The following FSTL4 variants were observed in gnomAD, a reference collection of about 807,000 sequenced individuals.
FSTL4 encodes follistatin like 4, also known as follistatin-related protein 4.
FSTL4 carries 28 observed loss-of-function variants against 78.2 expected under a neutral mutation model. The observed-to-expected ratio is 0.36, with a 90% confidence interval of 0.27 to 0.49. The LOEUF (loss-of-function observed/expected upper bound fraction) is 0.49. Ranked by LOEUF, FSTL4 falls within the 20% of genes least tolerant of loss-of-function variation. FSTL4 has a pLI of 0.98. For missense variants in FSTL4, 922 were observed against 1,084.9 expected (o/e 0.85, Z 2.11); for synonymous variants, 422 against 440.5 (o/e 0.96, Z 0.53).
chr5:133,524,239 G>A (rs911513591), intron 3 of FSTL4, among the ~76,000 whole-genome samples: 3 of 152,204 alleles, frequency 2.0e-5, no homozygotes, highest in African/African-American at 7.2e-5. Context: ...GCAGAGGTGA[G>A]ATCACACAAG....
At chr5:133,353,190 C>T (rs1754867080) in intron 4 of FSTL4, among the ~76,000 whole-genome samples, 1 of 152,218 alleles carries the variant, frequency 6.6e-6, no homozygotes, top group Non-Finnish European at 1.5e-5. Flanking sequence ...TAAACACCCT[C>T]CTGCTCCTCC....
At chr5:133,753,164 G>A in the FSTL4 span, among the ~76,000 whole-genome samples, 4 of 152,148 alleles carry the variant, frequency 2.6e-5, no homozygotes, top group Non-Finnish European at 5.9e-5. Context: ...CACAATAAAG[G>A]CAAACCAGAC....
rs186960667 is a variant in FSTL4, at chr5:133,387,973, T to C, written c.409+12765A>G. 13 of 152,352 alleles carry C rather than the reference T, an allele frequency of 8.5e-5. No individual in the cohort carries two copies. The East Asian group carries it at 2.5e-3, about 29-fold the overall frequency. 9.4% of individuals were successfully genotyped at this position (152,352 alleles called of 1,614,324 possible). Reference sequence around the variant, plus strand: ...ACACTTGTCTGGGGCTGCATGAGGTTTGTTCTGGGCTCTGATGGAATATTG... The same window carrying C: ...ACACTTGTCTGGGGCTGCATGAGGTCTGTTCTGGGCTCTGATGGAATATTG... On this transcript the variant is annotated intron_variant, in intron 4 of 15. Transcript: ENST00000265342.
At chr5:133,392,078 G>A (rs1755863616) in intron 4 of FSTL4, among the ~76,000 whole-genome samples, 1 of 152,158 alleles carries the variant, frequency 6.6e-6, no homozygotes, top group Middle Eastern at 3.2e-3. Flanking sequence ...GTTCCATCTT[G>A]GAAAGCTTAC....
chr5:133,699,024 C>T, the FSTL4 span, among the ~76,000 whole-genome samples: 8 of 152,210 alleles, frequency 5.3e-5, no homozygotes. Context: ...GGGACAGCAT[C>T]TCAATACAGC....
At position 133,370,048 on chromosome 5, in the gene FSTL4, C is replaced by T. The variant is rs139366967; in HGVS notation, c.409+30690G>A. 3.9e-3 allele frequency among the ~76,000 whole-genome samples: 589 copies of T among 152,256 alleles called. 6 individuals are homozygous for T. Among genetic ancestry groups the T allele is most frequent in the African/African-American group, 0.013 (560 of 41,546 alleles). On this transcript the variant is annotated intron_variant, in intron 4 of 15. Transcript: ENST00000265342. ...AGAGCATCCTACTGGATTCCAATCC[C>T]CCTCCTCCAGGAAGCTTCCTGGCCA... is the stretch of plus-strand genomic sequence containing the variant.
Position 133,292,844 on chromosome 5 carries a change from C to T in FSTL4, c.727+19810G>A, listed in dbSNP as rs575329094. Among the ~76,000 whole-genome samples the T allele has an allele frequency of 7.9e-5, 12 of 152,164 alleles. No homozygotes were observed. The East Asian group carries it at 1.4e-3, about 17-fold the overall frequency. On this transcript the variant is annotated intron_variant, in intron 6 of 15. Transcript: ENST00000265342. Reference sequence around the variant, plus strand: ...ATTGTCATCTTTAATGTTTTCATTCCGAGGAATTAGAGAGCGCCACTGTGA... The same window carrying T: ...ATTGTCATCTTTAATGTTTTCATTCTGAGGAATTAGAGAGCGCCACTGTGA...
chr5:133,633,616 G>T, the FSTL4 span, among the ~76,000 whole-genome samples: 1 of 152,012 alleles, frequency 6.6e-6, no homozygotes, highest in African/African-American at 2.4e-5. Flanking sequence ...TTCAGTGTTG[G>T]CATCTGTTGA....
At chr5:133,313,566 G>A (rs1275456064) in intron 5 of FSTL4, among the ~76,000 whole-genome samples, 1 of 152,032 alleles carries the variant, frequency 6.6e-6, no homozygotes, top group Non-Finnish European at 1.5e-5. Flanking sequence ...GGAACTGAAG[G>A]TCTTGCAGGG....
the FSTL4 span, among the ~76,000 whole-genome samples, chr5:133,723,591 C>T: frequency 6.6e-6 from 1 of 152,146 alleles, no homozygotes; most frequent in Admixed American, 6.5e-5. Context: ...AGAGAGGTGG[C>T]GTGCCTCAGC....
chr5:133,466,313 C>T (rs977755129), intron 3 of FSTL4, among the ~76,000 whole-genome samples: 8 of 152,162 alleles, frequency 5.3e-5, no homozygotes, highest in African/African-American at 1.9e-4. Flanking sequence ...GAGGCCGAGG[C>T]GGGCAGATCA....
chr5:133,380,305 CA>C (rs1755537912), intron 4 of FSTL4, among the ~76,000 whole-genome samples: 1 of 150,190 alleles, frequency 6.7e-6, no homozygotes, highest in South Asian at 2.1e-4. Context: ...GCTAGACTAA[CA>C]AAAAAATTTT....
intron 3 of FSTL4, among the ~76,000 whole-genome samples, chr5:133,428,135 C>T (rs888435816): frequency 2.0e-5 from 3 of 152,144 alleles, no homozygotes; most frequent in Non-Finnish European, 2.9e-5. Flanking sequence ...AAATTTATCC[C>T]TGTAATAATA....
chr5:133,753,100 C>G, the FSTL4 span, among the ~76,000 whole-genome samples: 3 of 152,192 alleles, frequency 2.0e-5, 1 homozygote, highest in South Asian at 6.2e-4. Flanking sequence ...GTTATAACAA[C>G]AAAAAGAAAA....
At chr5:133,505,538 C>T (rs957721379) in intron 3 of FSTL4, among the ~76,000 whole-genome samples, 1 of 152,184 alleles carries the variant, frequency 6.6e-6, no homozygotes, top group African/African-American at 2.4e-5. Context: ...AGAAGAAAAG[C>T]CCATCCTTAC....
At chr5:133,472,197 G>C (rs573420512) in intron 3 of FSTL4, among the ~76,000 whole-genome samples, 49 of 152,252 alleles carry the variant, frequency 3.2e-4, no homozygotes, top group African/African-American at 1.2e-3. Context: ...TTGACTATTA[G>C]AAGAAAAAAT....
intron 6 of FSTL4, among the ~76,000 whole-genome samples, chr5:133,289,851 T>G (rs1753217974): frequency 6.6e-6 from 1 of 152,258 alleles, no homozygotes; most frequent in Non-Finnish European, 1.5e-5. Flanking sequence ...AGTTGTTTAT[T>G]TCAACTCTCT....
At position 133,312,648 on chromosome 5, in the gene FSTL4, A is replaced by G. The variant is rs576038934; in HGVS notation, c.727+6T>C. 1.9e-6 allele frequency: 3 copies of G among 1,613,932 alleles called. No individual in the cohort carries two copies. Among genetic ancestry groups the G allele is most frequent in the South Asian group, 1.1e-5 (1 of 91,032 alleles). On this transcript the variant is annotated splice_donor_region_variant and intron_variant, in intron 6 of 15. Transcript: ENST00000265342. ...TAAGCCCTTTTCCCACTGGGACCCA[A>G]CTTACGGAAGGCCATGTAGAACTCG... is the stretch of plus-strand genomic sequence containing the variant.
At chr5:133,240,361 C>CAAGAAAAAGA (rs1041102124) in intron 7 of FSTL4, among the ~76,000 whole-genome samples, 2 of 152,216 alleles carry the variant, frequency 1.3e-5, no homozygotes, top group Admixed American at 6.5e-5. Context: ...AGAGTCCTCT[C>CAAGAAAAAGA]AAGAAAAAGA....
Sources: allele counts gnomAD v4.1 joint callset (sites outside exome capture counted in the v4.1 genomes callset), GRCh38; gene constraint gnomAD v4.1.1; transcripts MANE v1.5; gene names NCBI Gene and HGNC (gene_info 2026-07-23, HGNC 2026-07-21).